Variants in INPP4B observed in about 807,000 individuals in gnomAD.
The protein encoded by INPP4B is inositol polyphosphate 4-phosphatase type II.
A neutral mutation model predicts 122.5 loss-of-function variants in INPP4B; 55 were observed. The ratio of observed to expected loss-of-function variants is 0.45; its 90% CI spans 0.36 to 0.56. The LOEUF is 0.56. Ranked by LOEUF, INPP4B falls within the 20% of genes least tolerant of loss-of-function variation. The probability of loss-of-function intolerance (pLI) is 0.00; values close to 1 mark genes in which losing one functional copy is unlikely to be tolerated. For synonymous variants in INPP4B, 403 were observed against 388.7 expected (o/e 1.04, Z -0.43); for missense variants, 1,000 against 1,097.7 (o/e 0.91, Z 1.26).
chr4:142,422,402 T>C (rs578128200), intron 5 of INPP4B, among the ~76,000 whole-genome samples: 134 of 152,182 alleles, frequency 8.8e-4, no homozygotes, highest in Non-Finnish European at 1.6e-3. Flanking sequence ...AAAATGGTAG[T>C]TGTTGCTGTG....
chr4:142,384,720 T>A (rs937934721), intron 7 of INPP4B, among the ~76,000 whole-genome samples: 1 of 152,192 alleles, frequency 6.6e-6, no homozygotes, highest in Admixed American at 6.6e-5. Context: ...AGGGGATACA[T>A]GTGCAGGTTT....
At chr4:142,209,751 C>T (rs1421298697) in intron 12 of INPP4B, among the ~76,000 whole-genome samples, 1 of 139,254 alleles carries the variant, frequency 7.2e-6, no homozygotes, top group African/African-American at 2.8e-5. Flanking sequence ...CAAGATTGTG[C>T]CACTGCACTC....
At chr4:142,475,478 G>T (rs1580161506) in intron 2 of INPP4B, among the ~76,000 whole-genome samples, 1 of 152,060 alleles carries the variant, frequency 6.6e-6, no homozygotes, top group African/African-American at 2.4e-5. Context: ...CCCAGAAATG[G>T]TTCTTACCTG....
intron 11 of INPP4B, among the ~76,000 whole-genome samples, chr4:142,249,530 T>C (rs570044093): frequency 6.6e-6 from 1 of 152,226 alleles, no homozygotes; most frequent in Non-Finnish European, 1.5e-5. Context: ...AAATGAATAC[T>C]TTCATGAAGT....
intron 2 of INPP4B, among the ~76,000 whole-genome samples, chr4:142,673,422 A>AG (rs1560946800): frequency 6.6e-6 from 1 of 151,958 alleles, no homozygotes; most frequent in Non-Finnish European, 1.5e-5. Context: ...GAGACAAAAA[A>AG]AAAAAAAAGT....
chr4:142,591,195 AG>A (rs1737407281), intron 2 of INPP4B, among the ~76,000 whole-genome samples: 2 of 151,976 alleles, frequency 1.3e-5, no homozygotes, highest in Admixed American at 6.6e-5. Flanking sequence ...GCTACTTGAA[AG>A]GCTGGGGTGG....
intron 7 of INPP4B, among the ~76,000 whole-genome samples, chr4:142,323,141 C>G (rs112851873): frequency 1.3e-5 from 2 of 152,094 alleles, no homozygotes; most frequent in African/African-American, 2.4e-5. Context: ...TTTTAGGAAA[C>G]GTTCCTTAAA....
intron 12 of INPP4B, among the ~76,000 whole-genome samples, chr4:142,219,557 A>T (rs950798433): frequency 6.6e-6 from 1 of 152,204 alleles, no homozygotes; most frequent in African/African-American, 2.4e-5. Context: ...TTTCTCACAA[A>T]TCCACATATG....
intron 1 of INPP4B, among the ~76,000 whole-genome samples, chr4:142,843,784 T>G (rs140398232): frequency 8.1e-4 from 123 of 152,026 alleles, no homozygotes; most frequent in African/African-American, 2.8e-3. Flanking sequence ...AGTTAGCAGG[T>G]TTTTTTTCTG....
At chr4:142,236,717 T>C (rs574257592) in intron 12 of INPP4B, among the ~76,000 whole-genome samples, 2 of 152,188 alleles carry the variant, frequency 1.3e-5, no homozygotes, top group Non-Finnish European at 1.5e-5. Flanking sequence ...CCAATTTTGT[T>C]AATAGTTTCC....
chr4:142,221,139 C>T (rs998597643), intron 12 of INPP4B, among the ~76,000 whole-genome samples: 10 of 152,114 alleles, frequency 6.6e-5, no homozygotes, highest in Non-Finnish European at 1.2e-4. Flanking sequence ...GTGGTTCACG[C>T]CTGTAATCCC....
intron 7 of INPP4B, among the ~76,000 whole-genome samples, chr4:142,371,506 A>G (rs1789902726): frequency 6.6e-6 from 1 of 152,154 alleles, no homozygotes; most frequent in Admixed American, 6.6e-5. Context: ...AACGGAAGAA[A>G]ATATTTGCAA....
chr4:142,267,476 T>C (rs1026025400), intron 10 of INPP4B, among the ~76,000 whole-genome samples: 7 of 152,174 alleles, frequency 4.6e-5, no homozygotes, highest in Non-Finnish European at 1.0e-4. Flanking sequence ...GGGCAGTCTC[T>C]TTAACAAATT....
intron 10 of INPP4B, among the ~76,000 whole-genome samples, 166 bp downstream of exon 10, chr4:142,270,497 A>C (rs1447219443): frequency 1.3e-5 from 2 of 152,194 alleles, no homozygotes; most frequent in Non-Finnish European, 2.9e-5. Context: ...AGGCCCTTTG[A>C]TTCAGAGGCT....
chr4:142,042,276 T>C (rs772182164), intron 25 of INPP4B, among the ~76,000 whole-genome samples: 5 of 152,146 alleles, frequency 3.3e-5, no homozygotes, highest in Admixed American at 3.3e-4. Flanking sequence ...AGAGCTTCCA[T>C]GGAATCAAAA....
chr4:142,489,152 T>A (rs933226736), intron 2 of INPP4B, among the ~76,000 whole-genome samples: 1 of 152,186 alleles, frequency 6.6e-6, no homozygotes, highest in Admixed American at 6.6e-5. Flanking sequence ...TTCCAAATAT[T>A]TGATAATTTT....
At chr4:142,252,289 C>T (rs949182110) in intron 11 of INPP4B, among the ~76,000 whole-genome samples, 4 of 150,566 alleles carry the variant, frequency 2.7e-5, no homozygotes, top group South Asian at 2.1e-4. Flanking sequence ...CCCGGGTTCA[C>T]GCCATTCTCC....
intron 2 of INPP4B, among the ~76,000 whole-genome samples, chr4:142,478,574 T>C (rs1317854215): frequency 6.6e-6 from 1 of 152,200 alleles, no homozygotes; most frequent in Non-Finnish European, 1.5e-5. Flanking sequence ...GTTCGGTTTA[T>C]GTGATGAATC....
chr4:142,373,668 G>A (rs1320262478), intron 7 of INPP4B, among the ~76,000 whole-genome samples: 1 of 151,954 alleles, frequency 6.6e-6, no homozygotes, highest in Non-Finnish European at 1.5e-5. Flanking sequence ...CTAGAGAAAT[G>A]TGTCTGATAC....
Sources: allele counts gnomAD v4.1 joint callset (sites outside exome capture counted in the v4.1 genomes callset), GRCh38; gene constraint gnomAD v4.1.1; transcripts MANE v1.5; gene names NCBI Gene and HGNC (gene_info 2026-07-23, HGNC 2026-07-21).